The following RARB variants were observed in gnomAD, a reference collection of about 807,000 sequenced individuals.
RARB encodes the protein retinoic acid receptor beta, also known as HBV-activated protein.
A neutral mutation model predicts 51.9 loss-of-function variants in RARB; 17 were observed. That is an observed-to-expected ratio of 0.33 (90% CI 0.22 to 0.49). The LOEUF is 0.49. Among genes scored for constraint, RARB ranks in the 20% least tolerant of loss-of-function variants. The pLI is 0.99. For synonymous variants in RARB, 215 were observed against 195.4 expected (o/e 1.10, Z -0.84); for missense variants, 369 against 550.8 (o/e 0.67, Z 3.30).
chr3:24,934,549 G>C (rs1311937306), intron 2 of RARB, among the ~76,000 whole-genome samples: 4 of 152,046 alleles, frequency 2.6e-5, no homozygotes, highest in African/African-American at 7.2e-5. Flanking sequence ...TCTCATACCT[G>C]TTGATAGAAA....
chr3:25,010,465 C>A (rs1264698335), intron 2 of RARB, among the ~76,000 whole-genome samples: 1 of 152,098 alleles, frequency 6.6e-6, no homozygotes, highest in Non-Finnish European at 1.5e-5. Context: ...TGCATACTGA[C>A]TTTAGTTATA....
At chr3:25,525,334 G>A (rs954786629) in intron 3 of RARB, among the ~76,000 whole-genome samples, 1 of 152,188 alleles carries the variant, frequency 6.6e-6, no homozygotes, top group African/African-American at 2.4e-5. Context: ...GGGGCAGAGA[G>A]AGCCGGTGTG....
intron 2 of RARB, among the ~76,000 whole-genome samples, chr3:24,868,981 C>G (rs903157114): frequency 2.6e-5 from 4 of 152,120 alleles, no homozygotes. Flanking sequence ...TTCTCAGGAT[C>G]TTCTGAGGGC....
chr3:24,976,715 G>A (rs930364948), intron 2 of RARB, among the ~76,000 whole-genome samples: 11 of 152,254 alleles, frequency 7.2e-5, no homozygotes, highest in Non-Finnish European at 1.2e-4. Context: ...TAGGTTGCCT[G>A]TTCACCCTGA....
At chr3:25,325,137 G>T (rs114614731) in intron 5 of RARB, among the ~76,000 whole-genome samples, 2,571 of 152,230 alleles carry the variant, frequency 0.017, 69 homozygotes, top group African/African-American at 0.055. Context: ...CTGGGAAAGA[G>T]GCAGGCAATT....
chr3:25,176,214 C>T (rs990682051), intron 5 of RARB, among the ~76,000 whole-genome samples: 8 of 152,030 alleles, frequency 5.3e-5, no homozygotes, highest in African/African-American at 1.7e-4. Context: ...CTAAGGCAGC[C>T]TGAAACCTCT....
chr3:25,159,694 A>G (rs975069678), intron 4 of RARB, among the ~76,000 whole-genome samples: 5 of 152,096 alleles, frequency 3.3e-5, no homozygotes, highest in Non-Finnish European at 2.9e-5. Flanking sequence ...GGTTTTTCTG[A>G]CAACAAAAAG....
At chr3:25,524,606 C>A (rs997404880) in intron 3 of RARB, among the ~76,000 whole-genome samples, 1 of 149,854 alleles carries the variant, frequency 6.7e-6, no homozygotes, top group Non-Finnish European at 1.5e-5. Flanking sequence ...CCTTCTCTTC[C>A]CCCCTCCCTT....
At chr3:24,992,251 T>C (rs1696928662) in intron 2 of RARB, among the ~76,000 whole-genome samples, 1 of 152,170 alleles carries the variant, frequency 6.6e-6, no homozygotes, top group African/African-American at 2.4e-5. Flanking sequence ...TTAAAAATAT[T>C]TAGGGTATTT....
At position 24,923,390 on chromosome 3, in the gene RARB, C is replaced by A. The variant is rs575219943; in HGVS notation, c.-380+64638C>A. On this transcript the variant is annotated intron_variant, in intron 2 of 11. Coordinates refer to the RARB transcript ENST00000383772. ...TAACATTAATCATGCTAAAAGAATT[C>A]ATTTGACAGTAATGCGGTATAATTA... Among the ~76,000 whole-genome samples, 4 of 152,200 alleles carry A rather than the reference C, an allele frequency of 2.6e-5. No homozygotes were observed. In the South Asian group the frequency reaches 8.3e-4, roughly 32 times the overall value.
intron 3 of RARB, among the ~76,000 whole-genome samples, chr3:25,093,524 G>A (rs980789731): frequency 1.3e-5 from 2 of 152,050 alleles, no homozygotes; most frequent in Non-Finnish European, 2.9e-5. Context: ...CATTTTTAAA[G>A]CTAATGAGAG....
intron 1 of RARB, among the ~76,000 whole-genome samples, chr3:24,854,070 C>G (rs1477191118): frequency 1.3e-5 from 2 of 152,092 alleles, no homozygotes; most frequent in African/African-American, 4.8e-5. Flanking sequence ...GTTGTAGGGT[C>G]GTGTAGTTTC....
chr3:25,289,500 G>A (rs1029800309), intron 5 of RARB, among the ~76,000 whole-genome samples: 1 of 152,184 alleles, frequency 6.6e-6, no homozygotes, highest in African/African-American at 2.4e-5. Context: ...CAAGCTGCAA[G>A]GAGGTTTGGC....
At chr3:25,243,377 G>T (rs1301468478) in intron 5 of RARB, among the ~76,000 whole-genome samples, 2 of 152,134 alleles carry the variant, frequency 1.3e-5, no homozygotes, top group Admixed American at 1.3e-4. Context: ...GGACATCCTT[G>T]TCTTGTGCTG....
At chr3:25,594,830 C>G in intron 7 of RARB, 152 bp downstream of exon 7, 1 of 591,654 alleles carries the variant, frequency 1.7e-6, no homozygotes, top group Non-Finnish European at 2.5e-6. Context: ...TACTATCCCT[C>G]CCCCCTCTAA....
intron 5 of RARB, among the ~76,000 whole-genome samples, chr3:25,416,302 T>A (rs146274187): frequency 2.0e-5 from 3 of 152,256 alleles, no homozygotes; most frequent in Non-Finnish European, 4.4e-5. Context: ...GGCGGGAGGA[T>A]CGCTTGAGCC....
intron 5 of RARB, among the ~76,000 whole-genome samples, chr3:25,213,760 A>T (rs541952165): frequency 6.6e-6 from 1 of 152,326 alleles, no homozygotes; most frequent in African/African-American, 2.4e-5. Context: ...GCTTTCATTC[A>T]CCAAAGATGT....
chr3:25,247,767 G>A (rs1014220795), intron 5 of RARB, among the ~76,000 whole-genome samples: 2 of 152,198 alleles, frequency 1.3e-5, no homozygotes, highest in Non-Finnish European at 1.5e-5. Context: ...TTCCTATTTG[G>A]CCATCTTGCC....
At chr3:25,373,254 T>C (rs1306549371) in intron 5 of RARB, among the ~76,000 whole-genome samples, 1 of 151,846 alleles carries the variant, frequency 6.6e-6, no homozygotes, top group African/African-American at 2.4e-5. Flanking sequence ...TGAGTGAAGA[T>C]GAGATTTCTG....
Sources: allele counts gnomAD v4.1 joint callset (sites outside exome capture counted in the v4.1 genomes callset), GRCh38; gene constraint gnomAD v4.1.1; transcripts MANE v1.5; gene names NCBI Gene and HGNC (gene_info 2026-07-23, HGNC 2026-07-21).